NME9: variants seen among roughly 807,000 people sequenced by gnomAD.
The protein encoded by NME9 is NME/NM23 family member 9.
A neutral mutation model predicts 44.4 loss-of-function variants in NME9; 48 were observed. The ratio of observed to expected loss-of-function variants is 1.08; its 90% CI spans 0.86 to 1.37. NME9 has a LOEUF of 1.37. NME9 is among the 40% of genes most tolerant of loss of function. NME9 has a pLI of 0.00. For missense variants in NME9, 325 were observed against 405.2 expected, an observed-to-expected ratio of 0.80 and a Z score of 1.70; for synonymous variants, 139 against 147.1, an observed-to-expected ratio of 0.94 and a Z score of 0.40.
downstream of NME9, among the ~76,000 whole-genome samples, chr3:138,300,205 AG>A (rs1311106019): frequency 6.6e-6 from 1 of 152,158 alleles, no homozygotes; most frequent in East Asian, 1.9e-4. Flanking sequence ...GTTTCCATCC[AG>A]GGGTGGCACG....
intron 2 of NME9, among the ~76,000 whole-genome samples, chr3:138,321,730 CAG>C (rs772511150): frequency 1.3e-5 from 2 of 151,852 alleles, no homozygotes; most frequent in African/African-American, 2.4e-5. Flanking sequence ...AAGCCAGACA[CAG>C]GGGTGGCAGA....
chr3:138,282,194 G>A (rs2049994539), intron 8 of NME9, among the ~76,000 whole-genome samples: 1 of 152,172 alleles, frequency 6.6e-6, no homozygotes, highest in Non-Finnish European at 1.5e-5. Context: ...TCATTTTGCT[G>A]GCTTGCTCTT....
intron 8 of NME9, among the ~76,000 whole-genome samples, chr3:138,265,402 T>C (rs538047130): frequency 9.6e-4 from 146 of 152,342 alleles, no homozygotes; most frequent in Non-Finnish European, 3.4e-4. Flanking sequence ...TCATATACCT[T>C]GCATTTAGTC....
Position 138,329,355 on chromosome 3 carries a change from A to G in NME9, c.-20T>C. The G allele has an allele frequency of 1.3e-6, 2 of 1,535,958 alleles. No individual in the cohort carries two copies. The highest frequency in any genetic ancestry group is 2.4e-5 in the South Asian group (2 of 84,014). On this transcript the variant is annotated 5_prime_UTR_variant, in exon 1 of 11. Coordinates refer to ENST00000333911, the MANE Select transcript of NME9 (RefSeq NM_001349018.2). ...GCCCATGGCTCTGCAAAGAAGACGA[A>G]GCCCTGTTACCGCGGCCGTGGGCCG... is the stretch of plus-strand genomic sequence containing the variant.
At chr3:138,268,466 C>T (rs572493893) in intron 8 of NME9, among the ~76,000 whole-genome samples, 4 of 152,238 alleles carry the variant, frequency 2.6e-5, no homozygotes, top group East Asian at 1.9e-4. Context: ...CTTAACTGCT[C>T]TTATATTGCT....
chr3:138,275,419 C>T (rs1048266556), intron 8 of NME9, among the ~76,000 whole-genome samples: 1 of 152,190 alleles, frequency 6.6e-6, no homozygotes, highest in East Asian at 1.9e-4. Context: ...ATTAGCCAGG[C>T]GCGGTGGCGG....
At chr3:138,264,287 C>T (rs2048037709) in intron 8 of NME9, 1 of 1,161,162 alleles carries the variant, frequency 8.6e-7, no homozygotes, top group Admixed American at 1.8e-5. Context: ...AACACTACTC[C>T]CTGGTCTAGG....
Position 138,329,394 on chromosome 3 carries a change from T to C in NME9, c.-59A>G, listed in dbSNP as rs2053988918. Reference sequence around the variant, plus strand: ...GGCCGTGGGCCGTTCCCCCGCAGCCTCGCGACAAACCGCTGCGTGGATCAG... The same window carrying C: ...GGCCGTGGGCCGTTCCCCCGCAGCCCCGCGACAAACCGCTGCGTGGATCAG... On this transcript the variant is annotated 5_prime_UTR_variant, in exon 1 of 11. Transcript: ENST00000333911. 2.6e-6 allele frequency: 4 copies of C among 1,535,422 alleles called. No individual in the cohort carries two copies. The highest frequency in any genetic ancestry group is 2.7e-5 in the African/African-American group (2 of 73,034).
downstream of NME9, chr3:138,297,357 A>T (rs898299039): frequency 6.6e-6 from 1 of 152,200 alleles, no homozygotes; most frequent in African/African-American, 2.4e-5. Context: ...GTTTGAAGGT[A>T]GAAGCAGCCT....
intron 7 of NME9, 113 bp from the exon 8 acceptor site, chr3:138,306,209 A>G (rs2052247252): frequency 1.2e-6 from 1 of 862,688 alleles, no homozygotes; most frequent in Non-Finnish European, 1.9e-6. Flanking sequence ...AAGGCTGTGG[A>G]GACACTGATC....
chr3:138,327,115 C>T (rs967783988), intron 1 of NME9: 4 of 148,880 alleles, frequency 2.7e-5, no homozygotes, highest in Admixed American at 6.7e-5. Flanking sequence ...GAGATCATGC[C>T]GCTGCATTCC....
At chr3:138,289,153 A>G (rs1216769250) in intron 8 of NME9, 1 of 1,556,140 alleles carries the variant, frequency 6.4e-7, no homozygotes, top group Admixed American at 1.7e-5. Flanking sequence ...TTTGAAAAAA[A>G]TTATGGGAAG....
intron 2 of NME9, among the ~76,000 whole-genome samples, chr3:138,320,762 G>A (rs1393267367): frequency 6.6e-6 from 1 of 152,172 alleles, no homozygotes; most frequent in Non-Finnish European, 1.5e-5. Context: ...GCCAGGCACA[G>A]GTGGCAGACT....
At chr3:138,278,327 G>A (rs2049511429) in intron 8 of NME9, among the ~76,000 whole-genome samples, 1 of 152,008 alleles carries the variant, frequency 6.6e-6, no homozygotes, top group South Asian at 2.1e-4. Flanking sequence ...GCAACATGGT[G>A]AAGCCCTGTC....
chr3:138,329,387 C>G lies in NME9; in HGVS notation c.-52G>C. The G allele has an allele frequency of 6.5e-7, 1 of 1,535,586 alleles. No individual in the cohort carries two copies. The highest frequency in any genetic ancestry group is 8.7e-7 in the Non-Finnish European group (1 of 1,146,662). ...TTACCGCGGCCGTGGGCCGTTCCCC[C>G]GCAGCCTCGCGACAAACCGCTGCGT... On this transcript the variant is annotated 5_prime_UTR_variant, in exon 1 of 11. Transcript: ENST00000333911.
chr3:138,327,445 A>C (rs2053867707), intron 1 of NME9, among the ~76,000 whole-genome samples: 1 of 152,102 alleles, frequency 6.6e-6, no homozygotes, highest in Admixed American at 6.5e-5. Flanking sequence ...CTCTGGGGCC[A>C]GGACTCTGGG....
intron 8 of NME9, among the ~76,000 whole-genome samples, chr3:138,282,108 C>G (rs936708160): frequency 1.3e-5 from 2 of 152,224 alleles, no homozygotes; most frequent in Non-Finnish European, 2.9e-5. Flanking sequence ...GCCTCACCCT[C>G]TGCATTTTGG....
At chr3:138,282,375 C>T (rs531369302) in intron 8 of NME9, among the ~76,000 whole-genome samples, 31 of 152,094 alleles carry the variant, frequency 2.0e-4, no homozygotes, top group Non-Finnish European at 4.0e-4. Context: ...AGGCTGGGCA[C>T]GGTGGCTCAT....
At chr3:138,275,382 C>G (rs1031016130) in intron 8 of NME9, among the ~76,000 whole-genome samples, 2 of 151,980 alleles carry the variant, frequency 1.3e-5, no homozygotes, top group Non-Finnish European at 2.9e-5. Context: ...ACGGTGAAAC[C>G]CCATCTCTAC....
Sources: gnomAD v4.1 joint callset for allele counts (sites outside exome capture counted in the v4.1 genomes callset) on GRCh38, gnomAD v4.1.1 for gene constraint, MANE v1.5 for transcripts, NCBI Gene and HGNC (gene_info 2026-07-23, HGNC 2026-07-21) for gene names.